KLHL1: variants seen among roughly 807,000 people sequenced by gnomAD.
The protein encoded by KLHL1 is kelch like family member 1.
A neutral mutation model predicts 77.7 loss-of-function variants in KLHL1; 47 were observed. The ratio of observed to expected loss-of-function variants is 0.60; its 90% CI spans 0.48 to 0.77. The LOEUF is 0.77. KLHL1 is among the 30% of genes least tolerant of loss of function. The probability of loss-of-function intolerance (pLI) is 0.00; values close to 1 mark genes in which losing one functional copy is unlikely to be tolerated. For missense variants in KLHL1, 925 were observed against 910.8 expected (o/e 1.02, Z -0.20); for synonymous variants, 360 against 325.2 (o/e 1.11, Z -1.15).
At chr13:69,761,707 T>C (rs1256090237) in intron 7 of KLHL1, among the ~76,000 whole-genome samples, 1 of 152,192 alleles carries the variant, frequency 6.6e-6, no homozygotes, top group Non-Finnish European at 1.5e-5. Context: ...GCACTTTAAT[T>C]GGAGAAACAA....
chr13:69,824,871 C>T (rs9542094), intron 6 of KLHL1, among the ~76,000 whole-genome samples: 29,707 of 151,890 alleles, frequency 0.2, 3,751 homozygotes, highest in Admixed American at 0.31. Flanking sequence ...TAAAGGACCA[C>T]TTAAGATTTG....
At chr13:70,024,630 C>A (rs1400219146) in intron 1 of KLHL1, among the ~76,000 whole-genome samples, 2,227 of 85,296 alleles carry the variant, frequency 0.026, 28 homozygotes, top group African/African-American at 0.065. Flanking sequence ...TTCTCTCTCT[C>A]TCTCTCTCTC....
chr13:69,798,122 G>C (rs1877210562), intron 6 of KLHL1, among the ~76,000 whole-genome samples: 1 of 152,110 alleles, frequency 6.6e-6, no homozygotes, highest in Non-Finnish European at 1.5e-5. Flanking sequence ...AACAGACACT[G>C]ATCTTGATGT....
intron 1 of KLHL1, among the ~76,000 whole-genome samples, chr13:70,085,041 G>A (rs1287701277): frequency 2.6e-5 from 4 of 152,070 alleles, no homozygotes; most frequent in African/African-American, 7.2e-5. Flanking sequence ...TATGGTAAAT[G>A]AAGATGCTAA....
At chr13:69,958,655 G>T (rs1883966882) in intron 3 of KLHL1, among the ~76,000 whole-genome samples, 1 of 151,202 alleles carries the variant, frequency 6.6e-6, no homozygotes, top group Non-Finnish European at 1.5e-5. Flanking sequence ...TAAACACATT[G>T]CTTCTACAGC....
rs897960796 is a variant in KLHL1 at position 69,821,840 on chromosome 13, G to A, written c.1414+17136C>T. Among the ~76,000 whole-genome samples the A allele has an allele frequency of 5.9e-5, 9 of 151,678 alleles. No individual in the cohort carries two copies. In the East Asian group the frequency reaches 1.8e-3, roughly 30 times the overall value. ...TTTTCGACTAACTTTTTTGCTTATG[G>A]CCCCATTAATAGAACTTAAGCTAAA... On this transcript the variant is annotated intron_variant, in intron 6 of 10. Transcript: ENST00000377844.
rs1209252292 is a variant in KLHL1, at chr13:69,940,194, G to A, written c.860C>T (p.Ala287Val). The change falls in exon 4 of 11, where the codon GCT (alanine) becomes GTT (valine). Residue 287 changes from alanine (A) to valine (V), a missense_variant. By Grantham distance (64) the Ala-to-Val change is moderately conservative. Coordinates refer to ENST00000377844, the MANE Select transcript of KLHL1 (RefSeq NM_020866.3). ...LKEDTIENLLAAACLLQLPQV... is the reference protein window; with the variant it reads ...LKEDTIENLLVAACLLQLPQV... ...TGGAAGCTGAAGAAGGCACGCTGCA[G>A]CAAGAAGGTTCTCAATGGTGTCCTC... is the stretch of plus-strand genomic sequence containing the variant. 2 of 1,612,222 alleles carry A rather than the reference G, an allele frequency of 1.2e-6. No individual in the cohort carries two copies. The highest frequency in any genetic ancestry group is 1.7e-5 in the Admixed American group (1 of 59,688).
chr13:69,775,353 C>T (rs77184274), intron 7 of KLHL1, among the ~76,000 whole-genome samples: 19,549 of 152,086 alleles, frequency 0.13, 1,575 homozygotes, highest in African/African-American at 0.23. Flanking sequence ...CTTGTAAAAA[C>T]AAGCATCTAT....
intron 8 of KLHL1, among the ~76,000 whole-genome samples, chr13:69,729,465 C>A (rs998201094): frequency 1.4e-4 from 21 of 151,798 alleles, no homozygotes; most frequent in African/African-American, 4.6e-4. Context: ...TTTAGGGAAA[C>A]AACAGCCAGG....
chr13:69,913,855 A>G (rs1882325430), intron 4 of KLHL1, among the ~76,000 whole-genome samples: 1 of 152,200 alleles, frequency 6.6e-6, no homozygotes, highest in Non-Finnish European at 1.5e-5. Flanking sequence ...GATGCAAAGT[A>G]CTTTTCCTGG....
rs139852145 is a variant in KLHL1 at position 69,767,027 on chromosome 13, C to T, written c.1640-26471G>A. On this transcript the variant is annotated intron_variant, in intron 7 of 10. Coordinates refer to ENST00000377844, the MANE Select transcript of KLHL1 (RefSeq NM_020866.3). ...GTATACATTACCCATATCAAAGTAG[C>T]AATTGGTATTTTTCTAGAGTTTTTC... Among the ~76,000 whole-genome samples, 5 of 152,178 alleles carry T rather than the reference C, an allele frequency of 3.3e-5. No homozygotes were observed. The East Asian group carries it at 9.7e-4, about 29-fold the overall frequency.
At chr13:69,824,436 A>G in intron 6 of KLHL1, among the ~76,000 whole-genome samples, 1 of 152,110 alleles carries the variant, frequency 6.6e-6, no homozygotes, top group Non-Finnish European at 1.5e-5. Context: ...TTATAATATC[A>G]ACATATATGT....
chr13:69,786,782 T>G (rs1013479262), intron 7 of KLHL1, among the ~76,000 whole-genome samples: 19 of 152,220 alleles, frequency 1.2e-4, no homozygotes, highest in Non-Finnish European at 2.6e-4. Context: ...CAAAATCTCC[T>G]TAAGCTGATA....
At chr13:69,732,356 A>C (rs1371800761) in intron 8 of KLHL1, among the ~76,000 whole-genome samples, 3 of 152,222 alleles carry the variant, frequency 2.0e-5, no homozygotes, top group Non-Finnish European at 4.4e-5. Flanking sequence ...GAAGAAAGAC[A>C]GAGTTGAGAT....
chr13:69,758,454 T>C (rs1424672360), intron 7 of KLHL1, among the ~76,000 whole-genome samples: 1 of 152,112 alleles, frequency 6.6e-6, no homozygotes, highest in Non-Finnish European at 1.5e-5. Flanking sequence ...TGAAACAACA[T>C]TTAAATAATC....
At chr13:69,915,914 G>C (rs181484180) in intron 4 of KLHL1, among the ~76,000 whole-genome samples, 1,760 of 151,970 alleles carry the variant, frequency 0.012, 29 homozygotes, top group African/African-American at 0.038. Flanking sequence ...ACAAACAACC[G>C]CATCAAAAAG....
At chr13:69,961,184 A>T in intron 3 of KLHL1, 124 bp downstream of exon 3, 1 of 785,058 alleles carries the variant, frequency 1.3e-6, no homozygotes. Context: ...TTGATCTACT[A>T]GTTTTCAACT....
At chr13:69,880,429 G>A (rs1034715145) in intron 5 of KLHL1, among the ~76,000 whole-genome samples, 11 of 152,062 alleles carry the variant, frequency 7.2e-5, no homozygotes, top group Non-Finnish European at 1.5e-4. Flanking sequence ...CAGTTTGAAG[G>A]ATGAGGAATG....
intron 8 of KLHL1, among the ~76,000 whole-genome samples, chr13:69,735,885 AATT>A (rs1179463729): frequency 2.0e-5 from 3 of 152,180 alleles, no homozygotes; most frequent in South Asian, 4.1e-4. Context: ...TTTGAAAAAC[AATT>A]ATTATAAGAA....
Sources: gnomAD v4.1 joint callset for allele counts (sites outside exome capture counted in the v4.1 genomes callset) on GRCh38, gnomAD v4.1.1 for gene constraint, MANE v1.5 for transcripts, NCBI Gene and HGNC (gene_info 2026-07-23, HGNC 2026-07-21) for gene names.